RELN: variants seen among roughly 807,000 people sequenced by gnomAD.
RELN encodes the protein reelin.
Under a neutral mutation model 427.6 loss-of-function variants are expected in RELN, and 108 were observed. That is an observed-to-expected ratio of 0.25 (90% CI 0.22 to 0.30). The LOEUF is 0.30. Ranked by LOEUF, RELN falls within the 10% of genes least tolerant of loss-of-function variation. The pLI, the probability that RELN is intolerant of heterozygous loss-of-function variation, is 1.00. For missense variants in RELN, 3,715 were observed against 4,302.8 expected, an observed-to-expected ratio of 0.86 and a Z score of 3.82; for synonymous variants, 1,524 against 1,513.4, an observed-to-expected ratio of 1.01 and a Z score of -0.16.
rs181939937 is a variant in RELN, at chr7:103,847,388, G to A, written c.338-13716C>T. ...CAATGAGAACACACGGACACAGGGA[G>A]GGAAACATCACACACCAGGGCCTGC... On this transcript the variant is annotated intron_variant, in intron 2 of 64. Transcript: ENST00000428762. 1.6e-3 allele frequency among the ~76,000 whole-genome samples: 244 copies of A among 152,278 alleles called. 1 individual carries two copies. The highest frequency in any genetic ancestry group is 5.7e-3 in the African/African-American group (237 of 41,562).
In RELN at chr7:103,988,544, A is replaced by G. The variant is rs1433504021; in HGVS notation, c.226+587T>C. ...CATATTAAATCACACTTTCAAAAGA[A>G]TAGGGAGCTGGAAGCAGCCGCTCCC... On this transcript the variant is annotated intron_variant, in intron 1 of 64. Coordinates refer to ENST00000428762, the MANE Select transcript of RELN (RefSeq NM_005045.4). This position sits in a 1 kb window ranked among gnomAD's most constrained non-coding sequence, Gnocchi z 4.9. Among the ~76,000 whole-genome samples the G allele has an allele frequency of 6.6e-6, 1 of 152,240 alleles. No individual in the cohort carries two copies. The highest frequency in any genetic ancestry group is 2.4e-5 in the African/African-American group (1 of 41,464).
At chr7:103,589,444 C>T in intron 28 of RELN, 152 bp downstream of exon 28, 1 of 645,678 alleles carries the variant, frequency 1.5e-6, no homozygotes, top group African/African-American at 1.8e-5. Context: ...GATAAATCCC[C>T]TTTTAAGATA....
chr7:103,480,492 T>G (rs1269945628), intron 63 of RELN, among the ~76,000 whole-genome samples: 1 of 152,182 alleles, frequency 6.6e-6, no homozygotes, highest in African/African-American at 2.4e-5. Flanking sequence ...AGAAGTACTT[T>G]GAAAGGGTAG....
At chr7:103,845,197 T>C (rs1170368826) in intron 2 of RELN, among the ~76,000 whole-genome samples, 1 of 152,040 alleles carries the variant, frequency 6.6e-6, no homozygotes, top group Non-Finnish European at 1.5e-5. Flanking sequence ...ACTCTCATCC[T>C]CTTTTTTTTA....
intron 4 of RELN, among the ~76,000 whole-genome samples, chr7:103,763,655 G>A (rs1791357028): frequency 6.6e-6 from 1 of 152,160 alleles, no homozygotes; most frequent in Non-Finnish European, 1.5e-5. Flanking sequence ...GAGCTACAGT[G>A]ATAGGGTCAG....
chr7:103,495,175 C>CTTTTT (rs68172294), intron 57 of RELN, among the ~76,000 whole-genome samples: 3 of 125,384 alleles, frequency 2.4e-5, no homozygotes, highest in Non-Finnish European at 3.3e-5. Flanking sequence ...AAAGTAATTC[C>CTTTTT]TTTTTTTTTT....
intron 1 of RELN, among the ~76,000 whole-genome samples, chr7:103,971,933 C>T (rs1234138730): frequency 6.0e-5 from 9 of 150,434 alleles, no homozygotes; most frequent in East Asian, 3.9e-4. Context: ...ATTAGCTGGG[C>T]GTGGTGGCCT....
intron 11 of RELN, among the ~76,000 whole-genome samples, chr7:103,670,213 G>A (rs1464213116): frequency 6.6e-6 from 1 of 152,072 alleles, no homozygotes; most frequent in Non-Finnish European, 1.5e-5. Context: ...AGAATGATAT[G>A]CATTCTTGGT....
Position 103,726,475 on chromosome 7 carries a change from A to C in RELN, c.753+1636T>G, listed in dbSNP as rs115389463. On this transcript the variant is annotated intron_variant, in intron 7 of 64. Coordinates refer to ENST00000428762, the MANE Select transcript of RELN (RefSeq NM_005045.4). ...TGGTTGAAAGGCTAATCCCACATTA[A>C]TTATAAAACACAATTCAAAATTAGC... is the stretch of plus-strand genomic sequence containing the variant. Among the ~76,000 whole-genome samples the C allele has an allele frequency of 7.2e-3, 1,091 of 152,274 alleles. 19 individuals are homozygous for C. Among genetic ancestry groups the C allele is most frequent in the African/African-American group, 0.025 (1,042 of 41,574 alleles).
At chr7:103,877,856 G>A (rs901079565) in intron 2 of RELN, among the ~76,000 whole-genome samples, 1 of 108,338 alleles carries the variant, frequency 9.2e-6, no homozygotes, top group Non-Finnish European at 1.8e-5. Flanking sequence ...GTCTCTCCCT[G>A]CCTTTTTTTT....
intron 1 of RELN, among the ~76,000 whole-genome samples, chr7:103,945,782 G>A (rs974189342): frequency 2.0e-5 from 3 of 152,000 alleles, no homozygotes; most frequent in East Asian, 1.9e-4. Context: ...ATATTTTTAC[G>A]GTACCTTTTC....
At chr7:103,506,995 T>C (rs1182627965) in intron 51 of RELN, among the ~76,000 whole-genome samples, 1 of 152,208 alleles carries the variant, frequency 6.6e-6, no homozygotes, top group Admixed American at 6.5e-5. Flanking sequence ...CTGTTCTAAA[T>C]ATATATGCAC....
At chr7:103,674,757 G>A (rs181821416) in intron 11 of RELN, among the ~76,000 whole-genome samples, 8 of 152,200 alleles carry the variant, frequency 5.3e-5, no homozygotes, top group African/African-American at 1.4e-4. Context: ...AATGTAATCC[G>A]TCATATAAAC....
chr7:103,829,232 G>T (rs971583275), intron 3 of RELN, among the ~76,000 whole-genome samples: 1 of 151,740 alleles, frequency 6.6e-6, no homozygotes, highest in African/African-American at 2.4e-5. Flanking sequence ...CCCTTTCCCT[G>T]GTAGTTTCTT....
chr7:103,581,556 A>G (rs1831130602), intron 28 of RELN, among the ~76,000 whole-genome samples: 1 of 152,146 alleles, frequency 6.6e-6, no homozygotes, highest in Admixed American at 6.5e-5. Flanking sequence ...AGAGATGTGA[A>G]TTACTGGGGC....
At chr7:103,571,074 A>G (rs1830872399) in intron 31 of RELN, among the ~76,000 whole-genome samples, 1 of 152,368 alleles carries the variant, frequency 6.6e-6, no homozygotes, top group East Asian at 1.9e-4. Context: ...GTACTAAGAT[A>G]TTCAGAAAAA....
At chr7:103,515,507 G>C in intron 49 of RELN, 66 bp from the exon 50 acceptor site, 2 of 1,587,738 alleles carry the variant, frequency 1.3e-6, no homozygotes, top group South Asian at 1.1e-5. Flanking sequence ...CTGAGTAAAA[G>C]ATTTACAACC....
chr7:103,942,042 TAC>T (rs1434695366), intron 1 of RELN, among the ~76,000 whole-genome samples: 3 of 152,074 alleles, frequency 2.0e-5, no homozygotes, highest in Non-Finnish European at 4.4e-5. Context: ...TACTGTATTT[TAC>T]ACACTATACA....
rs769288267 is a variant in RELN, at chr7:103,551,240, A to C, written c.6129T>G (p.Phe2043Leu). 6.2e-7 allele frequency: 1 copy of C among 1,614,074 alleles called. No individual in the cohort carries two copies. Among genetic ancestry groups the C allele is most frequent in the South Asian group, 1.1e-5 (1 of 91,068 alleles). The change falls in exon 41 of 65, where the codon TTT becomes TTG. Residue 2043 changes from phenylalanine to leucine, a missense_variant. Physicochemically the swap from Phe to Leu is conservative, Grantham distance 22. Coordinates refer to ENST00000428762, the MANE Select transcript of RELN (RefSeq NM_005045.4). ...GCCAGGTCGCCCCGAAGTCCCTTGAAAATTCCAGTCTCACTGGATCCGCGG... is the reference window on the plus strand; with the variant it reads ...GCCAGGTCGCCCCGAAGTCCCTTGACAATTCCAGTCTCACTGGATCCGCGG... ...SSSADPVRLE[F>L]SRDFGATWHL...
Sources: allele counts gnomAD v4.1 joint callset (sites outside exome capture counted in the v4.1 genomes callset), GRCh38; gene constraint gnomAD v4.1.1; non-coding constraint Gnocchi (gnomAD v3.1); transcripts MANE v1.5; gene names NCBI Gene and HGNC (gene_info 2026-07-23, HGNC 2026-07-21).